The following PLCL2 variants were observed in gnomAD, a reference collection of about 807,000 sequenced individuals.
PLCL2 encodes the protein phospholipase C like 2, also known as inactive phospholipase C-like protein 2.
PLCL2 carries 4 observed loss-of-function variants against 79.6 expected under a neutral mutation model. The observed-to-expected ratio is 0.05, with a 90% CI of 0.02 to 0.11. PLCL2 has a LOEUF of 0.11. Ranked by LOEUF, PLCL2 falls within the 10% of genes least tolerant of loss-of-function variation. The pLI, the probability that PLCL2 is intolerant of heterozygous loss-of-function variation, is 1.00. For synonymous variants in PLCL2, 484 were observed against 457.7 expected (o/e 1.06, Z -0.73); for missense variants, 895 against 1,291.0 (o/e 0.69, Z 4.70).
chr3:16,972,315 A>G (rs2063879655), intron 1 of PLCL2, among the ~76,000 whole-genome samples: 1 of 152,206 alleles, frequency 6.6e-6, no homozygotes, highest in African/African-American at 2.4e-5. Context: ...TTAAGCTGAT[A>G]AGCAACTTGA....
At chr3:17,051,310 G>A (rs1309296294) in intron 4 of PLCL2, among the ~76,000 whole-genome samples, 14 of 152,050 alleles carry the variant, frequency 9.2e-5, no homozygotes, top group Admixed American at 9.2e-4. Context: ...GAGTATTATA[G>A]GATTGTTTGT....
At chr3:16,891,856 C>G (rs1454311535) in intron 1 of PLCL2, among the ~76,000 whole-genome samples, 1 of 152,178 alleles carries the variant, frequency 6.6e-6, no homozygotes, top group Non-Finnish European at 1.5e-5. Context: ...ACCTCTGTTT[C>G]CTCAGGTTTC....
chr3:16,999,826 T>C (rs1210285561), intron 1 of PLCL2, among the ~76,000 whole-genome samples: 1 of 152,234 alleles, frequency 6.6e-6, no homozygotes, highest in African/African-American at 2.4e-5. Context: ...ATAAATTATG[T>C]AGTTTTCATT....
chr3:17,051,273 T>C (rs894436860), intron 4 of PLCL2, among the ~76,000 whole-genome samples: 2 of 152,164 alleles, frequency 1.3e-5, no homozygotes, highest in Non-Finnish European at 2.9e-5. Context: ...TCATTAATAA[T>C]TTTATTGTAC....
intron 1 of PLCL2, among the ~76,000 whole-genome samples, chr3:17,004,716 T>C (rs902207522): frequency 1.3e-5 from 2 of 152,174 alleles, no homozygotes; most frequent in African/African-American, 2.4e-5. Flanking sequence ...TTATTGTTAT[T>C]GAGCTGAAGA....
chr3:17,072,670 GAAAAAA>G (rs547845475), intron 5 of PLCL2, among the ~76,000 whole-genome samples: 1 of 77,076 alleles, frequency 1.3e-5, no homozygotes, highest in Non-Finnish European at 3.0e-5. Flanking sequence ...CTGTCTCAAA[GAAAAAA>G]AAAAAAAAAA....
intron 4 of PLCL2, among the ~76,000 whole-genome samples, chr3:17,065,657 G>A (rs1455473800): frequency 6.6e-6 from 1 of 152,126 alleles, no homozygotes; most frequent in Non-Finnish European, 1.5e-5. Flanking sequence ...CACTATTATT[G>A]TTCCACCTTG....
intron 1 of PLCL2, among the ~76,000 whole-genome samples, chr3:16,897,272 A>G (rs1231446520): frequency 6.7e-6 from 1 of 150,152 alleles, no homozygotes; most frequent in Non-Finnish European, 1.5e-5. Flanking sequence ...TCTTTTTTTG[A>G]TCTAGGTAAA....
chr3:17,076,512 A>C (rs1437430055), intron 5 of PLCL2, among the ~76,000 whole-genome samples: 1 of 151,936 alleles, frequency 6.6e-6, no homozygotes, highest in Non-Finnish European at 1.5e-5. Flanking sequence ...GGTTTAAAAA[A>C]AAATTTTTTT....
intron 3 of PLCL2, among the ~76,000 whole-genome samples, chr3:17,038,083 T>C (rs1009861524): frequency 1.3e-5 from 2 of 152,182 alleles, no homozygotes; most frequent in Non-Finnish European, 2.9e-5. Context: ...TACTTTGCCT[T>C]TAGTTAAAAT....
intron 3 of PLCL2, 161 bp from the exon 4 acceptor site, chr3:17,042,713 T>C (rs999242513): frequency 1.7e-6 from 1 of 601,114 alleles, no homozygotes; most frequent in African/African-American, 1.9e-5. Flanking sequence ...TGTGATGTTA[T>C]CATTTTCACA....
intron 3 of PLCL2, chr3:17,035,684 A>G: frequency 4.5e-6 from 2 of 444,728 alleles, no homozygotes; most frequent in Non-Finnish European, 4.4e-6. Context: ...AGGGTTTGTG[A>G]TTAAATTCAA....
chr3:17,053,319 G>A (rs1208731628), intron 4 of PLCL2, among the ~76,000 whole-genome samples: 1 of 152,150 alleles, frequency 6.6e-6, no homozygotes, highest in Non-Finnish European at 1.5e-5. Context: ...GTTGGAGGAG[G>A]TGATGCGCTC....
chr3:16,891,249 T>C (rs905062441), intron 1 of PLCL2, among the ~76,000 whole-genome samples: 2 of 152,238 alleles, frequency 1.3e-5, no homozygotes, highest in African/African-American at 2.4e-5. Flanking sequence ...GAAGTCTGTA[T>C]GTCCAGTTAC....
At chr3:16,970,292 A>G (rs998571263) in intron 1 of PLCL2, among the ~76,000 whole-genome samples, 12 of 151,740 alleles carry the variant, frequency 7.9e-5, no homozygotes, top group Non-Finnish European at 2.9e-5. Context: ...ATTCCCACCA[A>G]TAAGTGAGAA....
intron 1 of PLCL2, among the ~76,000 whole-genome samples, chr3:16,916,700 G>C (rs2124931583): frequency 6.6e-6 from 1 of 152,240 alleles, no homozygotes; most frequent in South Asian, 2.1e-4. Context: ...AATAATTGAT[G>C]ATGAACATTT....
At chr3:16,920,002 A>T (rs1191380548) in intron 1 of PLCL2, among the ~76,000 whole-genome samples, 1 of 152,206 alleles carries the variant, frequency 6.6e-6, no homozygotes, top group Non-Finnish European at 1.5e-5. Flanking sequence ...ACCAGAGTAT[A>T]ATCTTGTCAA....
chr3:17,046,973 G>A (rs1285368285), intron 4 of PLCL2, among the ~76,000 whole-genome samples: 1 of 151,968 alleles, frequency 6.6e-6, no homozygotes, highest in African/African-American at 2.4e-5. Context: ...CTCCATATGG[G>A]GAATTTAATA....
chr3:16,951,946 A>T (rs1335813542), intron 1 of PLCL2, among the ~76,000 whole-genome samples: 1 of 152,062 alleles, frequency 6.6e-6, no homozygotes, highest in Non-Finnish European at 1.5e-5. Context: ...GTAAATTATT[A>T]TTCAGATTTT....
Sources: gnomAD v4.1 joint callset for allele counts (sites outside exome capture counted in the v4.1 genomes callset) on GRCh38, gnomAD v4.1.1 for gene constraint, MANE v1.5 for transcripts, NCBI Gene and HGNC (gene_info 2026-07-23, HGNC 2026-07-21) for gene names.